ENTREP2: variants seen among roughly 807,000 people sequenced by gnomAD.
The protein encoded by ENTREP2 is protein ENTREP2.
chr15:29,476,144 A>G, the ENTREP2 span, among the ~76,000 whole-genome samples: 1 of 152,258 alleles, frequency 6.6e-6, no homozygotes, highest in Non-Finnish European at 1.5e-5. Flanking sequence ...TTAGCTCTAA[A>G]TTTTTATAAC....
At chr15:29,605,888 T>C in the ENTREP2 span, among the ~76,000 whole-genome samples, 2 of 152,026 alleles carry the variant, frequency 1.3e-5, no homozygotes, top group Admixed American at 1.3e-4. Flanking sequence ...AATATATGGC[T>C]TAATGAATTA....
the ENTREP2 span, among the ~76,000 whole-genome samples, chr15:29,224,122 T>A: frequency 6.6e-6 from 1 of 152,102 alleles, no homozygotes; most frequent in Non-Finnish European, 1.5e-5. Flanking sequence ...GCGTTCACAG[T>A]TTCTTCCTTC....
At chr15:29,421,874 A>G in the ENTREP2 span, among the ~76,000 whole-genome samples, 1 of 152,238 alleles carries the variant, frequency 6.6e-6, no homozygotes, top group South Asian at 2.1e-4. Context: ...AATTTCTTCA[A>G]TTATGACTTC....
chr15:29,562,089 G>A, the ENTREP2 span, among the ~76,000 whole-genome samples: 7 of 152,254 alleles, frequency 4.6e-5, no homozygotes, highest in African/African-American at 1.7e-4. Flanking sequence ...ATAATCAGAT[G>A]GATCCAGGTT....
chr15:29,523,707 C>G, the ENTREP2 span, among the ~76,000 whole-genome samples: 3 of 150,880 alleles, frequency 2.0e-5, no homozygotes, highest in East Asian at 5.9e-4. Context: ...TCAAAACTTA[C>G]TACAAAGCTA....
chr15:29,434,793 G>A, the ENTREP2 span, among the ~76,000 whole-genome samples: 1 of 152,268 alleles, frequency 6.6e-6, no homozygotes, highest in Admixed American at 6.5e-5. Flanking sequence ...CGAAGCTTGA[G>A]AAACAATGCC....
chr15:29,269,417 G>T, the ENTREP2 span: 1 of 1,614,134 alleles, frequency 6.2e-7, no homozygotes, highest in African/African-American at 1.3e-5. Context: ...TCTTTAATCA[G>T]CAAGAACTGC....
At chr15:29,184,749 C>T in the ENTREP2 span, among the ~76,000 whole-genome samples, 1 of 152,162 alleles carries the variant, frequency 6.6e-6, no homozygotes, top group African/African-American at 2.4e-5. Context: ...TTTATGTCTC[C>T]CATGGATGCT....
At chr15:29,489,257 G>A in the ENTREP2 span, among the ~76,000 whole-genome samples, 15 of 152,160 alleles carry the variant, frequency 9.9e-5, no homozygotes, top group Admixed American at 2.6e-4. Flanking sequence ...CTGCCTGGCC[G>A]AGAGAAATAT....
At chr15:29,344,616 C>G in the ENTREP2 span, among the ~76,000 whole-genome samples, 1 of 152,056 alleles carries the variant, frequency 6.6e-6, no homozygotes, top group Non-Finnish European at 1.5e-5. Context: ...AAGTAAGTTG[C>G]CTTAGTTGAC....
chr15:29,123,005 G>T, the ENTREP2 span: 1 of 219,954 alleles, frequency 4.5e-6, no homozygotes, highest in Non-Finnish European at 8.9e-6. Context: ...CGTAAGTGTC[G>T]CCTGTTGCTG....
the ENTREP2 span, among the ~76,000 whole-genome samples, chr15:29,292,610 A>C: frequency 6.6e-6 from 1 of 152,162 alleles, no homozygotes; most frequent in Non-Finnish European, 1.5e-5. Flanking sequence ...TGAACTCCTG[A>C]CCTCAGGTGA....
At chr15:29,177,826 T>G in the ENTREP2 span, among the ~76,000 whole-genome samples, 4 of 115,178 alleles carry the variant, frequency 3.5e-5, no homozygotes, top group Admixed American at 1.0e-4. Context: ...AGTGCAGAGG[T>G]GGAGGGTAGG....
chr15:29,420,636 C>G, the ENTREP2 span, among the ~76,000 whole-genome samples: 5 of 152,162 alleles, frequency 3.3e-5, no homozygotes. Context: ...AGATCTCAGT[C>G]TGCTATGAAG....
At chr15:29,565,805 T>A in the ENTREP2 span, among the ~76,000 whole-genome samples, 1 of 151,564 alleles carries the variant, frequency 6.6e-6, no homozygotes, top group African/African-American at 2.4e-5. Flanking sequence ...CTACTAAAAA[T>A]ACAAAATTAG....
the ENTREP2 span, among the ~76,000 whole-genome samples, chr15:29,309,261 C>T: frequency 6.6e-6 from 1 of 152,032 alleles, no homozygotes; most frequent in African/African-American, 2.4e-5. Context: ...CAGAGTAATC[C>T]CTTTTAAAAT....
chr15:29,509,245 T>C, the ENTREP2 span, among the ~76,000 whole-genome samples: 1 of 151,968 alleles, frequency 6.6e-6, no homozygotes, highest in Admixed American at 6.6e-5. Context: ...CTCAAGGAAA[T>C]AAGAGAGGAC....
chr15:29,555,447 A>G, the ENTREP2 span, among the ~76,000 whole-genome samples: 2 of 152,308 alleles, frequency 1.3e-5, no homozygotes, highest in South Asian at 4.1e-4. Context: ...ATTTTTTTAA[A>G]TAAAATAATT....
At chr15:29,470,843 T>C in the ENTREP2 span, among the ~76,000 whole-genome samples, 1 of 152,236 alleles carries the variant, frequency 6.6e-6, no homozygotes, top group Non-Finnish European at 1.5e-5. Flanking sequence ...GTAATTAATG[T>C]TCATTCCTTA....
Sources: allele counts gnomAD v4.1 joint callset (sites outside exome capture counted in the v4.1 genomes callset), GRCh38; gene constraint gnomAD v4.1.1; transcripts MANE v1.5; gene names NCBI Gene and HGNC (gene_info 2026-07-23, HGNC 2026-07-21).